UBE2E2: variants seen among roughly 807,000 people sequenced by gnomAD.
UBE2E2 encodes ubiquitin conjugating enzyme E2 E2.
UBE2E2 carries 6 observed loss-of-function variants against 24.7 expected under a neutral mutation model. The observed-to-expected ratio is 0.24, with a 90% CI of 0.13 to 0.48. The LOEUF (loss-of-function observed/expected upper bound fraction) is 0.48, where lower values mean the gene tolerates loss of function less well. Ranked by LOEUF, UBE2E2 falls within the 20% of genes least tolerant of loss-of-function variation. The probability of loss-of-function intolerance (pLI) is 0.99; values close to 1 mark genes in which losing one functional copy is unlikely to be tolerated. For missense variants in UBE2E2, 169 were observed against 245.0 expected (o/e 0.69, Z 2.07); for synonymous variants, 104 against 83.6 (o/e 1.24, Z -1.33).
intron 3 of UBE2E2, among the ~76,000 whole-genome samples, chr3:23,458,402 G>A (rs1199653163): frequency 6.7e-6 from 1 of 149,082 alleles, no homozygotes; most frequent in Non-Finnish European, 1.5e-5. Flanking sequence ...TGGTGGTGGT[G>A]GTGGTGGTGG....
At chr3:23,293,781 A>G (rs1435760773) in intron 3 of UBE2E2, among the ~76,000 whole-genome samples, 1 of 152,154 alleles carries the variant, frequency 6.6e-6, no homozygotes, top group Non-Finnish European at 1.5e-5. Flanking sequence ...TAGGAGATAT[A>G]CTTTCATTTT....
intron 3 of UBE2E2, among the ~76,000 whole-genome samples, chr3:23,464,229 A>G (rs1698873917): frequency 6.6e-6 from 1 of 152,152 alleles, no homozygotes; most frequent in Non-Finnish European, 1.5e-5. Context: ...TGGCTGTTTA[A>G]TCTACTATTT....
At chr3:23,332,640 A>G (rs1210790490) in intron 3 of UBE2E2, among the ~76,000 whole-genome samples, 1 of 147,632 alleles carries the variant, frequency 6.8e-6, no homozygotes, top group East Asian at 2.0e-4. Context: ...ATTTGAACAC[A>G]AATTTTAGCT....
chr3:23,371,689 T>G (rs1696402834), intron 3 of UBE2E2, among the ~76,000 whole-genome samples: 1 of 152,106 alleles, frequency 6.6e-6, no homozygotes, highest in African/African-American at 2.4e-5. Context: ...TGAAGTTAAT[T>G]GAGAATAACT....
intron 3 of UBE2E2, among the ~76,000 whole-genome samples, chr3:23,388,462 T>G (rs1249588277): frequency 6.6e-6 from 1 of 152,250 alleles, no homozygotes; most frequent in Non-Finnish European, 1.5e-5. Context: ...TTATGATATC[T>G]ATTTACAAGT....
At chr3:23,537,109 C>T (rs1189955151) in intron 5 of UBE2E2, among the ~76,000 whole-genome samples, 2 of 152,178 alleles carry the variant, frequency 1.3e-5, no homozygotes, top group Admixed American at 1.3e-4. Flanking sequence ...GTAAGTGGTA[C>T]GTGATTTGGC....
rs1699093473 is a variant in UBE2E2 at position 23,474,791 on chromosome 3, G to T, written c.228-24817G>T. 6.6e-6 allele frequency among the ~76,000 whole-genome samples: 1 copy of T among 151,956 alleles called. No individual in the cohort carries two copies. On this transcript the variant is annotated intron_variant, in intron 3 of 5. Transcript: ENST00000396703. The surrounding 1 kb of genome is among the most constrained non-coding windows in gnomAD (Gnocchi z 4.0). ...AAAGGTGTCAGTGCTTCTGTCTGTG[G>T]TTTAATCCTCCTTCCTGTTTGGACA... is the stretch of plus-strand genomic sequence containing the variant.
At chr3:23,584,249 C>A (rs1331308814) in intron 5 of UBE2E2, among the ~76,000 whole-genome samples, 1 of 152,186 alleles carries the variant, frequency 6.6e-6, no homozygotes, top group Non-Finnish European at 1.5e-5. Context: ...AACCTTGCAT[C>A]CCAAAGTTAA....
intron 3 of UBE2E2, among the ~76,000 whole-genome samples, chr3:23,442,987 A>G (rs1456484090): frequency 6.6e-6 from 1 of 152,224 alleles, no homozygotes; most frequent in Non-Finnish European, 1.5e-5. Context: ...TATTAGATGT[A>G]TATTACCTGT....
At chr3:23,327,210 A>G (rs1694924405) in intron 3 of UBE2E2, among the ~76,000 whole-genome samples, 1 of 152,224 alleles carries the variant, frequency 6.6e-6, no homozygotes. Context: ...GGCTGGGTCA[A>G]ATAGTACTTC....
chr3:23,530,644 C>A (rs1418093269), intron 4 of UBE2E2, among the ~76,000 whole-genome samples: 1 of 152,170 alleles, frequency 6.6e-6, no homozygotes, highest in African/African-American at 2.4e-5. Context: ...CCCACGCTTT[C>A]TTTGGTAAGT....
chr3:23,494,032 CA>C (rs1338118461), intron 3 of UBE2E2, among the ~76,000 whole-genome samples: 1 of 152,138 alleles, frequency 6.6e-6, no homozygotes, highest in East Asian at 1.9e-4. Context: ...CACATTTACC[CA>C]GGTCCTAACA....
At chr3:23,522,830 G>A (rs141230801) in intron 4 of UBE2E2, among the ~76,000 whole-genome samples, 24 of 152,080 alleles carry the variant, frequency 1.6e-4, no homozygotes, top group East Asian at 1.9e-4. Flanking sequence ...GTTACCTGAG[G>A]CCCATGAAGA....
At chr3:23,374,488 TTA>T (rs1411118281) in intron 3 of UBE2E2, among the ~76,000 whole-genome samples, 2 of 152,198 alleles carry the variant, frequency 1.3e-5, no homozygotes, top group East Asian at 3.8e-4. Flanking sequence ...CTTAGGCAGG[TTA>T]TAGACTCCAA....
At chr3:23,445,855 A>C (rs1203306433) in intron 3 of UBE2E2, among the ~76,000 whole-genome samples, 1 of 152,234 alleles carries the variant, frequency 6.6e-6, no homozygotes, top group Non-Finnish European at 1.5e-5. Flanking sequence ...GCCCTGTAAC[A>C]TACTAGGATT....
chr3:23,234,472 G>C (rs1470892853), intron 3 of UBE2E2, among the ~76,000 whole-genome samples: 1 of 152,162 alleles, frequency 6.6e-6, no homozygotes, highest in Non-Finnish European at 1.5e-5. Context: ...CATCAGCTGG[G>C]AATCCAGCTG....
chr3:23,306,253 T>C (rs1029041642), intron 3 of UBE2E2, among the ~76,000 whole-genome samples: 1 of 152,252 alleles, frequency 6.6e-6, no homozygotes, highest in Non-Finnish European at 1.5e-5. Flanking sequence ...GTCATTTGAC[T>C]GTCTGTGTCT....
chr3:23,510,484 G>A (rs183145956), intron 4 of UBE2E2, among the ~76,000 whole-genome samples: 94 of 152,172 alleles, frequency 6.2e-4, no homozygotes, highest in Admixed American at 1.0e-3. Context: ...GCACACGCCC[G>A]TAATCCCAGC....
At chr3:23,504,448 G>T (rs534046184) in intron 4 of UBE2E2, among the ~76,000 whole-genome samples, 1 of 152,050 alleles carries the variant, frequency 6.6e-6, no homozygotes, top group East Asian at 1.9e-4. Context: ...GGTTAAATTT[G>T]TTGCTGTGGA....
Sources: gnomAD v4.1 joint callset for allele counts (sites outside exome capture counted in the v4.1 genomes callset) on GRCh38, gnomAD v4.1.1 for gene constraint, Gnocchi (gnomAD v3.1) non-coding constraint, MANE v1.5 for transcripts, NCBI Gene and HGNC (gene_info 2026-07-23, HGNC 2026-07-21) for gene names.